KLHL14: variants seen among roughly 807,000 people sequenced by gnomAD.
KLHL14 encodes kelch like family member 14.
In KLHL14, 22 loss-of-function variants were observed where a neutral mutation model predicts 64.3. The observed-to-expected ratio is 0.34, with a 90% CI of 0.24 to 0.49. The LOEUF is 0.49. Ranked by LOEUF, KLHL14 falls within the 20% of genes least tolerant of loss-of-function variation. The pLI is 0.99. For synonymous variants in KLHL14, 322 were observed against 333.4 expected (o/e 0.97, Z 0.37); for missense variants, 661 against 789.0 (o/e 0.84, Z 1.94).
At chr18:32,709,181 T>C (rs1309653160) in intron 3 of KLHL14, among the ~76,000 whole-genome samples, 1 of 152,216 alleles carries the variant, frequency 6.6e-6, no homozygotes, top group Admixed American at 6.5e-5. Context: ...TTCCACACTC[T>C]GCCTCACTTA....
Position 32,770,020 on chromosome 18 carries a change from T to C in KLHL14, c.572A>G (p.Lys191Arg). The change falls in exon 2 of 9, where the codon AAG becomes AGG. Residue 191 changes from lysine (K) to arginine (R), a missense_variant. Around this residue, in one of 2 missense-constraint regions of KLHL14, gnomAD observed 331 missense variants for 339.0 expected, o/e 0.98. Coordinates refer to ENST00000359358, the MANE Select transcript of KLHL14 (RefSeq NM_020805.3). The surrounding 1 kb of genome is among the most constrained non-coding windows in gnomAD (Gnocchi z 6.7). Reference protein sequence around the residue: ...ISVQNYKQVCKIAALHGLEET... With the variant: ...ISVQNYKQVCRIAALHGLEET... ...CTCCAGGCCGTGCAGCGCGGCGATCTTGCACACCTGCTTGTAGTTCTGCAC... is the reference window on the plus strand; with the variant it reads ...CTCCAGGCCGTGCAGCGCGGCGATCCTGCACACCTGCTTGTAGTTCTGCAC... The C allele has an allele frequency of 6.2e-7, 1 of 1,613,872 alleles. No homozygotes were observed. Among genetic ancestry groups the C allele is most frequent in the East Asian group, 2.2e-5 (1 of 44,796 alleles).
At chr18:32,707,168 A>G (rs2049994574) in intron 3 of KLHL14, among the ~76,000 whole-genome samples, 1 of 152,198 alleles carries the variant, frequency 6.6e-6, no homozygotes, top group Admixed American at 6.5e-5. Context: ...TCACAACAGA[A>G]CTCATAAAGA....
Position 32,742,059 on chromosome 18 carries a change from A to G in KLHL14, c.948-10T>C. On this transcript the variant is annotated splice_polypyrimidine_tract_variant and intron_variant, in intron 2 of 8. Transcript: ENST00000359358. ...CTTGTTAGAGCGAATTCTTCACCCA[A>G]AACAAAAGAGGAGATGAATAACCAC... The G allele has an allele frequency of 6.2e-7, 1 of 1,611,860 alleles. No homozygotes were observed. Among genetic ancestry groups the G allele is most frequent in the Non-Finnish European group, 8.5e-7 (1 of 1,179,530 alleles).
At position 32,682,472 on chromosome 18, in the gene KLHL14, C is replaced by A. The variant is rs559516471; in HGVS notation, c.1239-1873G>T. ...CCATGTCTTCTGTGGGGTCCGTGAG[C>A]CTCTGAAATTATAATAAAATGCTGT... On this transcript the variant is annotated intron_variant, in intron 5 of 8. Coordinates refer to ENST00000359358, the MANE Select transcript of KLHL14 (RefSeq NM_020805.3). 2.0e-5 allele frequency among the ~76,000 whole-genome samples: 3 copies of A among 152,170 alleles called. No individual in the cohort carries two copies. In the South Asian group the frequency reaches 6.2e-4, roughly 32 times the overall value.
At chr18:32,700,357 G>A (rs2049959253) in intron 3 of KLHL14, among the ~76,000 whole-genome samples, 1 of 151,944 alleles carries the variant, frequency 6.6e-6, no homozygotes, top group Non-Finnish European at 1.5e-5. Flanking sequence ...AATAATTAAT[G>A]CCCATGGTAA....
chr18:32,762,668 T>C lies in KLHL14; in HGVS notation c.947+6977A>G, dbSNP rs549335130. ...ATTGTATCATCTGTACTACAACAGA[T>C]AGCCTTTCTCTGGTTAAGTGATCCT... On this transcript the variant is annotated intron_variant, in intron 2 of 8. Coordinates refer to ENST00000359358, the MANE Select transcript of KLHL14 (RefSeq NM_020805.3). Among the ~76,000 whole-genome samples, 8 of 152,274 alleles carry C rather than the reference T, an allele frequency of 5.3e-5. No homozygotes were observed. The South Asian group carries it at 1.5e-3, about 28-fold the overall frequency.
intron 2 of KLHL14, among the ~76,000 whole-genome samples, chr18:32,760,284 GA>G (rs1379497203): frequency 6.6e-6 from 1 of 151,662 alleles, no homozygotes; most frequent in Non-Finnish European, 1.5e-5. Flanking sequence ...TCACTCTATA[GA>G]AAATTTGAAG....
intron 3 of KLHL14, among the ~76,000 whole-genome samples, chr18:32,708,236 G>T (rs562699398): frequency 7.3e-4 from 111 of 152,278 alleles, no homozygotes; most frequent in African/African-American, 2.3e-3. Flanking sequence ...GCCAATGTGC[G>T]TATCTTTCCT....
Position 32,720,815 on chromosome 18 carries a change from C to T in KLHL14, c.1069+21113G>A, listed in dbSNP as rs527532937. Among the ~76,000 whole-genome samples, 17 of 152,260 alleles carry T rather than the reference C, an allele frequency of 1.1e-4. No homozygotes were observed. The East Asian group carries it at 1.7e-3, about 16-fold the overall frequency. On this transcript the variant is annotated intron_variant, in intron 3 of 8. Coordinates refer to ENST00000359358, the MANE Select transcript of KLHL14 (RefSeq NM_020805.3). ...GGCCATCTCACCAGTACTACAAGTA[C>T]GAAATGAATGTCTCTGGACCAGAAG...
intron 4 of KLHL14, among the ~76,000 whole-genome samples, chr18:32,690,775 G>T (rs532307406): frequency 6.6e-6 from 1 of 152,118 alleles, no homozygotes; most frequent in African/African-American, 2.4e-5. Context: ...GATTAGAAAA[G>T]AAGTTGAAGG....
intron 3 of KLHL14, among the ~76,000 whole-genome samples, chr18:32,712,525 A>G (rs977480650): frequency 6.6e-6 from 1 of 152,150 alleles, no homozygotes; most frequent in African/African-American, 2.4e-5. Context: ...CAGCAATTTT[A>G]TTATGTCTTG....
intron 2 of KLHL14, among the ~76,000 whole-genome samples, chr18:32,758,465 A>G (rs1220646553): frequency 2.0e-5 from 3 of 152,208 alleles, no homozygotes; most frequent in Non-Finnish European, 4.4e-5. Context: ...ACTGTCATAA[A>G]CTGCTGGTGT....
chr18:32,707,958 G>A (rs998460125), intron 3 of KLHL14, among the ~76,000 whole-genome samples: 1 of 152,186 alleles, frequency 6.6e-6, no homozygotes, highest in African/African-American at 2.4e-5. Context: ...AACTTTAAAT[G>A]TATTTACTGG....
Position 32,750,379 on chromosome 18 carries a change from T to C in KLHL14, c.948-8330A>G, listed in dbSNP as rs570768060. ...AAAATTGATAAGTGATAGCGATTAT[T>C]ATTATGTGTAATTATTAACTTTACA... On this transcript the variant is annotated intron_variant, in intron 2 of 8. Coordinates refer to ENST00000359358, the MANE Select transcript of KLHL14 (RefSeq NM_020805.3). Among the ~76,000 whole-genome samples the C allele has an allele frequency of 5.9e-5, 9 of 152,292 alleles. 1 individual carries two copies. In the South Asian group the frequency reaches 1.7e-3, roughly 28 times the overall value.
chr18:32,752,669 T>TA (rs1255933421), intron 2 of KLHL14, among the ~76,000 whole-genome samples: 1 of 152,116 alleles, frequency 6.6e-6, no homozygotes, highest in Non-Finnish European at 1.5e-5. Flanking sequence ...ATTTTTGCCA[T>TA]AGCCACATGC....
chr18:32,705,208 T>C (rs2049984220), intron 3 of KLHL14, among the ~76,000 whole-genome samples: 1 of 152,274 alleles, frequency 6.6e-6, no homozygotes, highest in African/African-American at 2.4e-5. Context: ...TCTATTGTTC[T>C]ATATCACTGT....
At chr18:32,752,943 C>T (rs2050263532) in intron 2 of KLHL14, among the ~76,000 whole-genome samples, 1 of 137,542 alleles carries the variant, frequency 7.3e-6, no homozygotes, top group African/African-American at 2.8e-5. Context: ...GGGATGGGAC[C>T]CAGCATCATA....
At chr18:32,724,000 G>C (rs920845327) in intron 3 of KLHL14, among the ~76,000 whole-genome samples, 1 of 152,036 alleles carries the variant, frequency 6.6e-6, no homozygotes. Flanking sequence ...AAAAGCTTCT[G>C]ATATATAAAC....
chr18:32,723,420 A>T (rs949551543), intron 3 of KLHL14, among the ~76,000 whole-genome samples: 2 of 152,042 alleles, frequency 1.3e-5, no homozygotes, highest in African/African-American at 4.8e-5. Context: ...TTCTGGATGG[A>T]TTTGCTTTCA....
Sources: gnomAD v4.1 joint callset for allele counts (sites outside exome capture counted in the v4.1 genomes callset) on GRCh38, gnomAD v4.1.1 for gene constraint, gnomAD v4.1.1 regional missense constraint, Gnocchi (gnomAD v3.1) non-coding constraint, MANE v1.5 for transcripts, NCBI Gene and HGNC (gene_info 2026-07-23, HGNC 2026-07-21) for gene names.